ZDBF2: variants seen among roughly 807,000 people sequenced by gnomAD.
ZDBF2 encodes DBF4-type zinc finger-containing protein 2.
A neutral mutation model predicts 9.4 loss-of-function variants in ZDBF2; 6 were observed. The observed-to-expected ratio is 0.64, with a 90% CI of 0.35 to 1.27. ZDBF2 has a LOEUF of 1.27. ZDBF2 is among the 50% of genes most tolerant of loss of function. The pLI is 0.03. For missense variants in ZDBF2, 2,697 were observed against 2,766.8 expected (o/e 0.97, Z 0.57); for synonymous variants, 905 against 946.3 (o/e 0.96, Z 0.80).
At position 206,305,012 on chromosome 2, in the gene ZDBF2, T is replaced by C. The variant is rs200984813; in HGVS notation, c.484T>C (p.Cys162Arg). 4.9e-4 allele frequency: 789 copies of C among 1,613,632 alleles called. No homozygotes were observed. The highest frequency in any genetic ancestry group is 2.0e-3 in the Admixed American group (119 of 59,920). ...TAAAATTGGGGCCAGTGTGAGAAAA[T>C]GTAACCTAGTAGATATTGGTCAGGC... ...VHKIGASVRK[C>R]NLVDIGQATN... Residue 162 changes from cysteine (C) to arginine (R), a missense_variant, in exon 5 of 5, where the codon TGT (cysteine) becomes CGT (arginine). By Grantham distance (180) the Cys-to-Arg change is radical (BLOSUM62 -3). This residue lies in a region of ZDBF2 where 910 missense variants were observed against 973.6 expected (regional missense o/e 0.93). Coordinates refer to ENST00000374423, the MANE Select transcript of ZDBF2 (RefSeq NM_020923.3).
intron 4 of ZDBF2, among the ~76,000 whole-genome samples, chr2:206,300,546 A>G (rs886094711): frequency 1.3e-5 from 2 of 152,264 alleles, no homozygotes; most frequent in Admixed American, 6.5e-5. Context: ...GCATCAGGAG[A>G]CACATAATGT....
rs747013362 is a variant in ZDBF2 at position 206,305,801 on chromosome 2, G to A, written c.1273G>A (p.Ala425Thr). The A allele has an allele frequency of 6.2e-7, 1 of 1,613,630 alleles. No individual in the cohort carries two copies. The change falls in exon 5 of 5, where the codon GCC (alanine) becomes ACC (threonine). Residue 425 changes from alanine to threonine, a missense_variant. Transcript: ENST00000374423. The stretch of plus-strand genomic sequence containing the variant: ...ACTGACTGACCAATCTAAAGTGAGT[G>A]CCAAAGAAGTAAACCTTTCCAAGGA... ...HSLTDQSKVS[A>T]KEVNLSKEVR...
intron 3 of ZDBF2, among the ~76,000 whole-genome samples, chr2:206,291,429 A>G (rs562051792): frequency 3.9e-5 from 6 of 152,284 alleles, no homozygotes; most frequent in African/African-American, 1.4e-4. Flanking sequence ...TCTGTGGCCC[A>G]GTTCCTAGCA....
intron 3 of ZDBF2, among the ~76,000 whole-genome samples, chr2:206,296,702 A>G (rs1188886252): frequency 1.3e-5 from 2 of 151,974 alleles, no homozygotes; most frequent in Non-Finnish European, 2.9e-5. Flanking sequence ...TGGTTTTTGC[A>G]TTCCTCATTT....
In ZDBF2 at chr2:206,311,274, T is replaced by C; in HGVS notation, c.6746T>C (p.Leu2249Pro). Residue 2249 changes from leucine to proline, a missense_variant, in exon 5 of 5, where the codon CTG becomes CCG. Coordinates refer to ENST00000374423, the MANE Select transcript of ZDBF2 (RefSeq NM_020923.3). The stretch of plus-strand genomic sequence containing the variant: ...AGGAGCGCTTTTCTTGGAAGGTATC[T>C]GAAGAAGAAAAAATCTGTTGTCAGT... ...QSRSAFLGRY[L>P]KKKKSVVSRL... The C allele has an allele frequency of 1.9e-6, 3 of 1,609,708 alleles. No individual in the cohort carries two copies. Among genetic ancestry groups the C allele is most frequent in the Non-Finnish European group, 2.5e-6 (3 of 1,177,498 alleles).
In ZDBF2 at chr2:206,306,530, A is replaced by G. The variant is rs1692809537; in HGVS notation, c.2002A>G (p.Met668Val). ...DMNCESHGPEMGFQADAQLAD... is the reference protein window; with the variant it reads ...DMNCESHGPEVGFQADAQLAD... ...GAACTGTGAATCCCATGGTCCTGAA[A>G]TGGGTTTTCAGGCTGATGCTCAATT... Residue 668 changes from methionine to valine, a missense_variant, in exon 5 of 5, where the codon ATG becomes GTG. This residue lies in a region of ZDBF2 where 910 missense variants were observed against 973.6 expected (regional missense o/e 0.93). Coordinates refer to ENST00000374423, the MANE Select transcript of ZDBF2 (RefSeq NM_020923.3). 6.2e-7 allele frequency: 1 copy of G among 1,613,602 alleles called. No individual in the cohort carries two copies. The highest frequency in any genetic ancestry group is 1.3e-5 in the African/African-American group (1 of 74,912).
chr2:206,295,669 C>G (rs1692134939), intron 3 of ZDBF2, among the ~76,000 whole-genome samples: 1 of 152,122 alleles, frequency 6.6e-6, no homozygotes, highest in Non-Finnish European at 1.5e-5. Flanking sequence ...CCACTGCGCC[C>G]AGCCCAGTTT....
chr2:206,281,309 A>C (rs1397792637), intron 2 of ZDBF2, among the ~76,000 whole-genome samples: 2 of 152,202 alleles, frequency 1.3e-5, no homozygotes, highest in Non-Finnish European at 2.9e-5. Context: ...GTGTTGGATA[A>C]ATTATTTAAA....
Position 206,307,002 on chromosome 2 carries a change from G to T in ZDBF2, c.2474G>T (p.Cys825Phe). 1.2e-6 allele frequency: 2 copies of T among 1,613,616 alleles called. No individual in the cohort carries two copies. Among genetic ancestry groups the T allele is most frequent in the East Asian group, 2.2e-5 (1 of 44,872 alleles). Residue 825 changes from cysteine (C) to phenylalanine (F), a missense_variant, in exon 5 of 5, where the codon TGT becomes TTT. Cys to Phe is a radical substitution (Grantham distance 205). Coordinates refer to ENST00000374423, the MANE Select transcript of ZDBF2 (RefSeq NM_020923.3). ...VDLESKSNESCVSEITFDSDI... is the reference protein window; with the variant it reads ...VDLESKSNESFVSEITFDSDI... ...CTGGAAAGTAAAAGTAATGAATCTT[G>T]TGTCTCTGAAATAACTTTTGATTCT...
At position 206,305,458 on chromosome 2, in the gene ZDBF2, G is replaced by T; in HGVS notation, c.930G>T (p.Pro310=). The T allele has an allele frequency of 6.2e-7, 1 of 1,613,042 alleles. No homozygotes were observed. The highest frequency in any genetic ancestry group is 8.5e-7 in the Non-Finnish European group (1 of 1,179,644). ...VKSPSKLAVN[P]NKTDMPSNKG... is the part of the protein sequence containing the mutation. ...CTCCTTCCAAATTAGCAGTAAACCC[G>T]AATAAAACTGACATGCCTTCTAATA... Residue 310 remains proline, a synonymous_variant, in exon 5 of 5, where the codon CCG becomes CCT. Transcript: ENST00000374423.
intron 2 of ZDBF2, among the ~76,000 whole-genome samples, chr2:206,280,296 A>G (rs1691246379): frequency 6.6e-6 from 1 of 152,228 alleles, no homozygotes; most frequent in African/African-American, 2.4e-5. Context: ...TGATAATGCC[A>G]CAGGAGTTAA....
rs1693073302 is a variant in ZDBF2, at chr2:206,310,072, G to A, written c.5544G>A (p.Lys1848=). 4 of 1,613,824 alleles carry A rather than the reference G, an allele frequency of 2.5e-6. No homozygotes were observed. Among genetic ancestry groups the A allele is most frequent in the Non-Finnish European group, 3.4e-6 (4 of 1,179,862 alleles). ...ACATAAAAATTAATGCTCTGGTGAA[G>A]GAGTTTAGGGAAGGTCGTTTCCACT... The part of the protein sequence containing the change: ...EDDIKINALV[K]EFREGRFHCY... The change falls in exon 5 of 5, where the codon AAG becomes AAA. Residue 1848 remains lysine, a synonymous_variant. Transcript: ENST00000374423.
In ZDBF2 at chr2:206,304,924, A is replaced by T; in HGVS notation, c.396A>T (p.Ser132=). The T allele has an allele frequency of 1.2e-6, 2 of 1,613,722 alleles. No homozygotes were observed. The highest frequency in any genetic ancestry group is 8.5e-7 in the Non-Finnish European group (1 of 1,179,768). Reference sequence around the variant, plus strand: ...CTCAGGAAGGCACGCAGGAGGTTTCAGTTCGACCATCAGTTATTCAAAAAC... The same window carrying T: ...CTCAGGAAGGCACGCAGGAGGTTTCTGTTCGACCATCAGTTATTCAAAAAC... ...HKSQEGTQEV[S]VRPSVIQKLE... is the part of the protein sequence containing the mutation. Residue 132 remains serine (S), a synonymous_variant, in exon 5 of 5, where the codon TCA becomes TCT. Coordinates refer to ENST00000374423, the MANE Select transcript of ZDBF2 (RefSeq NM_020923.3).
rs201581344 is a variant in ZDBF2, at chr2:206,306,364, A to G, written c.1836A>G (p.Leu612=). The G allele has an allele frequency of 2.5e-5, 41 of 1,613,806 alleles. No individual in the cohort carries two copies. The Admixed American group carries it at 4.5e-4, about 18-fold the overall frequency. Reference sequence around the variant, plus strand: ...ACCTGAAAGGTAGACAAGTCCACCTAAAACATAAGAAGCGTAAACCCAGTA... The same window carrying G: ...ACCTGAAAGGTAGACAAGTCCACCTGAAACATAAGAAGCGTAAACCCAGTA... The part of the protein sequence containing the change: ...GRNLKGRQVH[L]KHKKRKPSSA... The change falls in exon 5 of 5, where the codon CTA becomes CTG. Residue 612 remains leucine, a synonymous_variant. Coordinates refer to ENST00000374423, the MANE Select transcript of ZDBF2 (RefSeq NM_020923.3).
chr2:206,301,059 A>C (rs771194124), intron 4 of ZDBF2, among the ~76,000 whole-genome samples: 3 of 152,210 alleles, frequency 2.0e-5, no homozygotes, highest in Non-Finnish European at 4.4e-5. Flanking sequence ...TAATAGGCCA[A>C]AAATGTGTAG....
At chr2:206,281,989 T>C in intron 3 of ZDBF2, 80 bp downstream of exon 3, 1 of 1,264,242 alleles carries the variant, frequency 7.9e-7, no homozygotes. Flanking sequence ...AATTAATTTA[T>C]TTATTCATTG....
At chr2:206,290,485 GGTAT>G (rs1191189125) in intron 3 of ZDBF2, among the ~76,000 whole-genome samples, 1 of 152,164 alleles carries the variant, frequency 6.6e-6, no homozygotes, top group African/African-American at 2.4e-5. Context: ...CATGAATAGA[GGTAT>G]GTATTTCCAT....
intron 2 of ZDBF2, among the ~76,000 whole-genome samples, chr2:206,280,686 A>G (rs1018840569): frequency 1.3e-5 from 2 of 152,356 alleles, no homozygotes; most frequent in Admixed American, 6.5e-5. Flanking sequence ...TCAATTTCTC[A>G]TAATAAGAAG....
Position 206,304,957 on chromosome 2 carries a change from G to A in ZDBF2, c.429G>A (p.Lys143=), listed in dbSNP as rs777062339. The A allele has an allele frequency of 1.2e-6, 2 of 1,613,662 alleles. No homozygotes were observed. The highest frequency in any genetic ancestry group is 8.5e-7 in the Non-Finnish European group (1 of 1,179,780). Residue 143 remains lysine, a synonymous_variant, in exon 5 of 5, where the codon AAG becomes AAA. Transcript: ENST00000374423. The part of the protein sequence containing the change: ...VRPSVIQKLE[K]GQQQPLEFVH... ...CATCAGTTATTCAAAAACTGGAGAA[G>A]GGACAGCAGCAGCCCTTGGAGTTTG... is the stretch of plus-strand genomic sequence containing the variant.
Sources: gnomAD v4.1 joint callset for allele counts (sites outside exome capture counted in the v4.1 genomes callset) on GRCh38, gnomAD v4.1.1 for gene constraint, gnomAD v4.1.1 regional missense constraint, MANE v1.5 for transcripts, NCBI Gene and HGNC (gene_info 2026-07-23, HGNC 2026-07-21) for gene names.